ZNF140: variants seen among roughly 807,000 people sequenced by gnomAD.
The protein encoded by ZNF140 is zinc finger protein 140.
ZNF140 carries 13 observed loss-of-function variants against 12.9 expected under a neutral mutation model. That is an observed-to-expected ratio of 1.01 (90% confidence interval 0.66 to 1.60). The LOEUF (loss-of-function observed/expected upper bound fraction) is 1.60, where lower values mean the gene tolerates loss of function less well. Ranked by LOEUF, ZNF140 falls within the 40% of genes most tolerant of loss-of-function variation. The pLI, the probability that ZNF140 is intolerant of heterozygous loss-of-function variation, is 0.00. For synonymous variants in ZNF140, 214 were observed against 186.7 expected (o/e 1.15, Z -1.19); for missense variants, 531 against 548.8 (o/e 0.97, Z 0.32).
chr12:133,087,925 G>A (rs1226015695), intron 4 of ZNF140, among the ~76,000 whole-genome samples: 1 of 152,140 alleles, frequency 6.6e-6, no homozygotes, highest in Non-Finnish European at 1.5e-5. Flanking sequence ...GAGGTCAGGA[G>A]TTCAAGACCA....
intron 4 of ZNF140, chr12:133,100,890 G>A (rs1235907835): frequency 5.0e-6 from 2 of 397,744 alleles, no homozygotes; most frequent in Non-Finnish European, 1.0e-5. Flanking sequence ...GGTGGAGCAG[G>A]ATGGTGCGAG....
At chr12:133,081,546 CT>C in intron 2 of ZNF140, 1 of 456,318 alleles carries the variant, frequency 2.2e-6, no homozygotes, top group South Asian at 1.6e-5. Context: ...TGGGACGTGG[CT>C]TTCTTTCTCC....
At chr12:133,093,404 G>T (rs1954961150) in intron 4 of ZNF140, 1 of 698,220 alleles carries the variant, frequency 1.4e-6, no homozygotes, top group Non-Finnish European at 2.6e-6. Context: ...TGTTACTCTT[G>T]TGTTTTCCAG....
rs1004921392 is a variant in ZNF140 at position 133,092,062 on chromosome 12, C to T, written c.232+8501C>T. On this transcript the variant is annotated intron_variant, in intron 4 of 4. Coordinates refer to ENST00000355557, the MANE Select transcript of ZNF140 (RefSeq NM_003440.4). ...TTTGATCTATTTGAGTCTGAGAATT[C>T]CACAGTCTTGAGGAATTCTTTTGCC... 6.0e-5 allele frequency among the ~76,000 whole-genome samples: 9 copies of T among 151,200 alleles called. 1 individual carries two copies. The East Asian group carries it at 9.7e-4, about 16-fold the overall frequency.
chr12:133,100,514 G>T (rs955202317), intron 4 of ZNF140, among the ~76,000 whole-genome samples: 40 of 152,198 alleles, frequency 2.6e-4, no homozygotes, highest in African/African-American at 8.9e-4. Context: ...ACTTGTGGTT[G>T]CAACTTTAGC....
At chr12:133,085,278 C>T (rs1954638576) in intron 4 of ZNF140, among the ~76,000 whole-genome samples, 1 of 152,194 alleles carries the variant, frequency 6.6e-6, no homozygotes, top group African/African-American at 2.4e-5. Context: ...CCGCCTAGGC[C>T]TCCCAAAGTG....
chr12:133,100,157 TCC>T (rs1235188772), intron 4 of ZNF140, among the ~76,000 whole-genome samples: 1 of 145,504 alleles, frequency 6.9e-6, no homozygotes, highest in Non-Finnish European at 1.5e-5. Context: ...TAATGCCTTT[TCC>T]GTTTTTTTTT....
intron 4 of ZNF140, among the ~76,000 whole-genome samples, chr12:133,092,430 C>G (rs950626859): frequency 6.6e-6 from 1 of 151,286 alleles, no homozygotes; most frequent in Admixed American, 6.6e-5. Context: ...TTTCCTACAA[C>G]TAGCATATAA....
intron 4 of ZNF140, among the ~76,000 whole-genome samples, chr12:133,097,155 T>G (rs1471979410): frequency 6.6e-6 from 1 of 152,204 alleles, no homozygotes; most frequent in Non-Finnish European, 1.5e-5. Flanking sequence ...TGAAATTAAT[T>G]TAGCTACGTC....
intron 4 of ZNF140, among the ~76,000 whole-genome samples, chr12:133,101,584 A>ACAGG (rs1398763572): frequency 6.6e-6 from 1 of 152,172 alleles, no homozygotes; most frequent in Non-Finnish European, 1.5e-5. Context: ...AGCTGGGACT[A>ACAGG]CAGGCAGTCG....
chr12:133,083,264 T>C lies in ZNF140; in HGVS notation c.136+35T>C, dbSNP rs1954563872. On this transcript the variant is annotated intron_variant, in intron 3 of 4. Coordinates refer to ENST00000355557, the MANE Select transcript of ZNF140 (RefSeq NM_003440.4). ...CTTCTTCATCTCCCTCAAGGCAAAA[T>C]TTGACCGTTAGGGTGGCTGTTATAA... The C allele has an allele frequency of 2.5e-6, 4 of 1,596,428 alleles. No homozygotes were observed. The African/African-American group carries it at 5.4e-5, about 21-fold the overall frequency.
In ZNF140 at chr12:133,106,648, G is replaced by C; in HGVS notation, c.1371G>C (p.Gln457His). 2.5e-6 allele frequency: 4 copies of C among 1,572,670 alleles called. No individual in the cohort carries two copies. The highest frequency in any genetic ancestry group is 3.4e-6 in the Non-Finnish European group (4 of 1,165,266). Residue 457 changes from glutamine (Q) to histidine (H), a missense_variant, in exon 5 of 5, where the codon CAG becomes CAC. By Grantham distance (24) the Gln-to-His change is conservative (BLOSUM62 0). Coordinates refer to ENST00000355557, the MANE Select transcript of ZNF140 (RefSeq NM_003440.4). ...FNYHSFLTEH[Q>H] ...ACCACTCATTCCTTACTGAACACCAGTGAATTTACACTGCAAAGAAAAACT... is the reference window on the plus strand; with the variant it reads ...ACCACTCATTCCTTACTGAACACCACTGAATTTACACTGCAAAGAAAAACT...
chr12:133,088,033 G>A (rs1022773153), intron 4 of ZNF140, among the ~76,000 whole-genome samples: 2 of 151,998 alleles, frequency 1.3e-5, no homozygotes, highest in Non-Finnish European at 1.5e-5. Context: ...GGGAGGCTGA[G>A]GTGGAAGAAT....
At chr12:133,086,068 A>G (rs1441758715) in intron 4 of ZNF140, among the ~76,000 whole-genome samples, 1 of 152,138 alleles carries the variant, frequency 6.6e-6, no homozygotes, top group Admixed American at 6.5e-5. Context: ...AGTTTTTTTC[A>G]TTGTACGATA....
rs1954570373 is a variant in ZNF140 at position 133,083,518 on chromosome 12, A to C, written c.189A>C (p.Glu63Asp). 2.5e-6 allele frequency: 4 copies of C among 1,613,968 alleles called. No individual in the cohort carries two copies. The highest frequency in any genetic ancestry group is 3.3e-5 in the Admixed American group (2 of 59,988). Residue 63 changes from glutamate to aspartate, a missense_variant, in exon 4 of 5, where the codon GAA becomes GAC. Coordinates refer to ENST00000355557, the MANE Select transcript of ZNF140 (RefSeq NM_003440.4). ...TTTCCTTATTGGAGCAAGGGAAAGA[A>C]CCCTGGCTGGGGAAAAGGGAAGTGA... ...DVVSLLEQGK[E>D]PWLGKREVKR... is the part of the protein sequence containing the mutation.
Position 133,105,783 on chromosome 12 carries a change from CTT to C in ZNF140, c.509_510del (p.Phe170TrpfsTer22), listed in dbSNP as rs1955569729. On this transcript the variant is annotated frameshift_variant, in exon 5 of 5. Transcript: ENST00000355557. LOFTEE classifies it low-confidence loss of function (END_TRUNC). ...TATGGATGCCATGAATGTGGAAAAA[CTT>C]TTGGTCGACGCTTTTCCCTGGTGTT... is the stretch of plus-strand genomic sequence containing the variant. 2 of 1,614,016 alleles carry C rather than the reference CTT, an allele frequency of 1.2e-6. No homozygotes were observed.
In ZNF140 at chr12:133,106,739, C is replaced by T; in HGVS notation, c.*88C>T. The T allele has an allele frequency of 8.0e-7, 1 of 1,243,900 alleles. No homozygotes were observed. Among genetic ancestry groups the T allele is most frequent in the South Asian group, 1.6e-5 (1 of 62,502 alleles). 77.1% of individuals were successfully genotyped at this position (1,243,900 alleles called of 1,614,324 possible). A position where few individuals can be genotyped will look rare whatever the true frequency, so the allele number is the denominator to read the frequency against. Reference sequence around the variant, plus strand: ...ACTTCAGAGAACTCTTGGAAAGAAGCCTTATGTGAAAGTGATGACTGTGAA... The same window carrying T: ...ACTTCAGAGAACTCTTGGAAAGAAGTCTTATGTGAAAGTGATGACTGTGAA... On this transcript the variant is annotated 3_prime_UTR_variant, in exon 5 of 5. Transcript: ENST00000355557.
chr12:133,080,906 G>C (rs1384804330), upstream of ZNF140: 2 of 152,902 alleles, frequency 1.3e-5, no homozygotes, highest in Non-Finnish European at 2.9e-5. Context: ...GAGGGGCCCT[G>C]GGGGGCGGCG....
chr12:133,086,383 T>A (rs1475082851), intron 4 of ZNF140, among the ~76,000 whole-genome samples: 2 of 152,250 alleles, frequency 1.3e-5, no homozygotes, highest in Non-Finnish European at 2.9e-5. Context: ...AGTGGTAGCT[T>A]GTGGTTTAAA....
Sources: allele counts gnomAD v4.1 joint callset (sites outside exome capture counted in the v4.1 genomes callset), GRCh38; gene constraint gnomAD v4.1.1; transcripts MANE v1.5; gene names NCBI Gene and HGNC (gene_info 2026-07-23, HGNC 2026-07-21).